Variants in KAT6B observed in about 807,000 individuals in gnomAD.
KAT6B encodes histone acetyltransferase KAT6B.
A neutral mutation model predicts 187.5 loss-of-function variants in KAT6B; 10 were observed. The ratio of observed to expected loss-of-function variants is 0.05; its 90% CI spans 0.03 to 0.09. The LOEUF is 0.09. KAT6B is among the 10% of genes least tolerant of loss of function. KAT6B has a pLI of 1.00. For synonymous variants in KAT6B, 861 were observed against 926.8 expected (o/e 0.93, Z 1.29); for missense variants, 1,952 against 2,558.9 (o/e 0.76, Z 5.12).
intron 3 of KAT6B, among the ~76,000 whole-genome samples, chr10:74,911,421 C>G (rs1360200239): frequency 2.0e-5 from 3 of 152,046 alleles, no homozygotes; most frequent in African/African-American, 4.8e-5. Context: ...TGCCCACCAC[C>G]ATGCCTGGCT....
At chr10:74,858,416 A>T (rs1356417729) in intron 3 of KAT6B, among the ~76,000 whole-genome samples, 1 of 151,384 alleles carries the variant, frequency 6.6e-6, no homozygotes, top group Non-Finnish European at 1.5e-5. Flanking sequence ...TCCTGGAACT[A>T]CAGGGGCGTG....
At chr10:74,966,141 C>T (rs963477671) in intron 4 of KAT6B, among the ~76,000 whole-genome samples, 7 of 152,206 alleles carry the variant, frequency 4.6e-5, no homozygotes, top group Non-Finnish European at 1.0e-4. Context: ...CCACATTCCC[C>T]GGCTTGCAGC....
intron 4 of KAT6B, among the ~76,000 whole-genome samples, chr10:74,967,076 C>G (rs1417699419): frequency 6.6e-6 from 1 of 151,484 alleles, no homozygotes; most frequent in African/African-American, 2.4e-5. Context: ...CCTGTAATCC[C>G]AGCACTTTGG....
At chr10:74,968,832 A>G (rs181895360) in intron 4 of KAT6B, among the ~76,000 whole-genome samples, 3 of 152,298 alleles carry the variant, frequency 2.0e-5, no homozygotes, top group East Asian at 1.9e-4. Flanking sequence ...GGAGGAATCT[A>G]TTACACACTG....
chr10:75,000,836 C>G (rs1843780739), intron 13 of KAT6B, among the ~76,000 whole-genome samples: 2 of 152,080 alleles, frequency 1.3e-5, no homozygotes. Flanking sequence ...TCGGGGAATT[C>G]CCTTTGCTGG....
rs756289189 is a variant in KAT6B at position 75,022,102 on chromosome 10, A to AGAAGAGGAGGAAGAAGAGGAAGAGGAT, written c.3267_3293dup (p.Asp1090_Glu1098dup). On this transcript the variant is annotated inframe_insertion, in exon 16 of 18. Transcript: ENST00000287239. ...AGGAGGAGGAGGACGAGGAGGAGGAAGAAGAGGAGGAAGAAGAGGAAGAGG... is the reference window on the plus strand; with the variant it reads ...AGGAGGAGGAGGACGAGGAGGAGGAAGAAGAGGAGGAAGAAGAGGAAGAGGATGAAGAGGAGGAAGAAGAGGAAGAGG... The AGAAGAGGAGGAAGAAGAGGAAGAGGAT allele has an allele frequency of 7.6e-6, 12 of 1,582,844 alleles. No homozygotes were observed. In the East Asian group the frequency reaches 2.7e-4, roughly 36 times the overall value.
chr10:74,846,893 A>T (rs545095686), intron 3 of KAT6B, among the ~76,000 whole-genome samples: 1 of 152,358 alleles, frequency 6.6e-6, no homozygotes, highest in South Asian at 2.1e-4. Flanking sequence ...ACGTGGACTA[A>T]TTCAGGTAGC....
Position 75,021,160 on chromosome 10 carries a change from A to G in KAT6B, c.2896A>G (p.Ser966Gly), listed in dbSNP as rs1025093010. The change falls in exon 15 of 18, where the codon AGC (serine) becomes GGC (glycine). Residue 966 changes from serine (S) to glycine (G), a missense_variant. Ser to Gly is a moderately conservative substitution (Grantham distance 56). Transcript: ENST00000287239. ...CATTAGACGGGAAAAGTTGATATTG[A>G]GCCACATGGAAAAGCTGAAAACCTG... ...VIIRREKLILSHMEKLKTCSR... is the reference protein window; with the variant it reads ...VIIRREKLILGHMEKLKTCSR... 3.1e-6 allele frequency: 5 copies of G among 1,614,136 alleles called. No individual in the cohort carries two copies. In the East Asian group the frequency reaches 1.1e-4, roughly 36 times the overall value.
At chr10:74,890,274 T>C (rs1254311149) in intron 3 of KAT6B, among the ~76,000 whole-genome samples, 2 of 152,092 alleles carry the variant, frequency 1.3e-5, no homozygotes, top group African/African-American at 2.4e-5. Context: ...TGACCTCAAG[T>C]GATCTGGCCT....
intron 4 of KAT6B, among the ~76,000 whole-genome samples, chr10:74,961,374 T>C (rs1407283025): frequency 6.6e-6 from 1 of 152,212 alleles, no homozygotes; most frequent in Non-Finnish European, 1.5e-5. Flanking sequence ...TGGTGTTCAC[T>C]TGTCTAGGGT....
chr10:74,905,516 G>A (rs542985804), intron 3 of KAT6B, among the ~76,000 whole-genome samples: 1 of 152,248 alleles, frequency 6.6e-6, no homozygotes, highest in Non-Finnish European at 1.5e-5. Context: ...CCTGAGTGGT[G>A]GTGGCCTGCA....
At chr10:74,874,925 C>T (rs1176446024) in intron 3 of KAT6B, among the ~76,000 whole-genome samples, 3 of 151,872 alleles carry the variant, frequency 2.0e-5, no homozygotes, top group African/African-American at 7.3e-5. Context: ...GCAGAGATTT[C>T]TCATGTACTC....
chr10:74,863,143 GAC>G (rs1843306586), intron 3 of KAT6B, among the ~76,000 whole-genome samples: 1 of 152,164 alleles, frequency 6.6e-6, no homozygotes, highest in African/African-American at 2.4e-5. Flanking sequence ...CTGCAAATTT[GAC>G]TATAAAGATA....
intron 3 of KAT6B, among the ~76,000 whole-genome samples, chr10:74,851,333 AT>A (rs1212836217): frequency 2.3e-3 from 299 of 128,262 alleles, no homozygotes; most frequent in Admixed American, 3.0e-3. Flanking sequence ...GATAAGAATG[AT>A]TTTTTTTTTT....
At chr10:74,848,705 T>C (rs1303310522) in intron 3 of KAT6B, among the ~76,000 whole-genome samples, 1 of 152,212 alleles carries the variant, frequency 6.6e-6, no homozygotes, top group Non-Finnish European at 1.5e-5. Flanking sequence ...AAATGCCTAG[T>C]AGCCATTTTA....
Position 74,957,793 on chromosome 10 carries a change from A to G in KAT6B, c.622-2177A>G, listed in dbSNP as rs533378519. Among the ~76,000 whole-genome samples the G allele has an allele frequency of 2.0e-5, 3 of 152,354 alleles. No individual in the cohort carries two copies. The South Asian group carries it at 6.2e-4, about 32-fold the overall frequency. ...GTTCTTTTAATTGCTATTTAAAGGA[A>G]CAAAAGTGTTCCCAAGGTACTGCAG... is the stretch of plus-strand genomic sequence containing the variant. On this transcript the variant is annotated intron_variant, in intron 3 of 17. Transcript: ENST00000287239.
intron 13 of KAT6B, among the ~76,000 whole-genome samples, chr10:74,992,881 T>G (rs1385623792): frequency 6.6e-6 from 1 of 152,132 alleles, no homozygotes; most frequent in Admixed American, 6.5e-5. Flanking sequence ...AACTCCCTAG[T>G]GGGTTTTATG....
Position 75,031,083 on chromosome 10 carries a change from C to T in KAT6B, c.*37C>T, listed in dbSNP as rs200705187. ...AGTCCACAAAACCTACGGGGCATCA[C>T]TATTGGATTGATCTGCACAAATACC... On this transcript the variant is annotated 3_prime_UTR_variant, in exon 18 of 18. Transcript: ENST00000287239. The T allele has an allele frequency of 1.9e-6, 3 of 1,610,636 alleles. No homozygotes were observed. Among genetic ancestry groups the T allele is most frequent in the African/African-American group, 2.7e-5 (2 of 74,870 alleles).
intron 13 of KAT6B, among the ~76,000 whole-genome samples, chr10:74,991,772 CAAAGAAAATGGGA>C (rs550279151): frequency 5.2e-4 from 79 of 152,240 alleles, no homozygotes; most frequent in Non-Finnish European, 9.3e-4. Flanking sequence ...TTATAGCACT[CAAAGAAAATGGGA>C]ACTGGTGTAA....
Sources: allele counts gnomAD v4.1 joint callset (sites outside exome capture counted in the v4.1 genomes callset), GRCh38; gene constraint gnomAD v4.1.1; transcripts MANE v1.5; gene names NCBI Gene and HGNC (gene_info 2026-07-23, HGNC 2026-07-21).